The following FCHSD2 variants were observed in gnomAD, a reference collection of about 807,000 sequenced individuals.
The protein encoded by FCHSD2 is FCH and double SH3 domains 2.
A neutral mutation model predicts 108.1 loss-of-function variants in FCHSD2; 38 were observed. That is an observed-to-expected ratio of 0.35 (90% confidence interval 0.27 to 0.46). The LOEUF is 0.46. Among genes scored for constraint, FCHSD2 ranks in the 20% least tolerant of loss-of-function variants. FCHSD2 has a pLI of 1.00. For synonymous variants in FCHSD2, 279 were observed against 314.7 expected (o/e 0.89, Z 1.20); for missense variants, 751 against 897.8 (o/e 0.84, Z 2.09).
chr11:73,031,456 A>G (rs1034985569), intron 3 of FCHSD2, among the ~76,000 whole-genome samples: 1 of 151,986 alleles, frequency 6.6e-6, no homozygotes, highest in Non-Finnish European at 1.5e-5. Flanking sequence ...GGGTGACAGA[A>G]CAAGACCCTG....
chr11:72,878,813 T>C (rs1285557328), intron 12 of FCHSD2, among the ~76,000 whole-genome samples: 3 of 151,980 alleles, frequency 2.0e-5, no homozygotes, highest in Non-Finnish European at 4.4e-5. Context: ...TTGTACAGGG[T>C]TGAAAGACAT....
At chr11:73,088,662 T>C (rs774796336) in intron 2 of FCHSD2, among the ~76,000 whole-genome samples, 5 of 152,194 alleles carry the variant, frequency 3.3e-5, no homozygotes, top group Non-Finnish European at 7.3e-5. Flanking sequence ...TTTACACTCA[T>C]GTTGTTTTTC....
intron 8 of FCHSD2, among the ~76,000 whole-genome samples, chr11:72,971,416 G>A (rs563320999): frequency 2.0e-5 from 3 of 152,148 alleles, no homozygotes; most frequent in East Asian, 1.9e-4. Context: ...ATTATGCTAC[G>A]TTAAATGGCA....
At chr11:73,118,690 G>A (rs1860661279) in intron 2 of FCHSD2, among the ~76,000 whole-genome samples, 1 of 152,144 alleles carries the variant, frequency 6.6e-6, no homozygotes, top group South Asian at 2.1e-4. Flanking sequence ...CATTGCATGT[G>A]ATCAGAGAAT....
intron 5 of FCHSD2, among the ~76,000 whole-genome samples, chr11:72,994,592 C>T (rs4102512): frequency 5.7e-4 from 87 of 152,028 alleles, no homozygotes; most frequent in Non-Finnish European, 7.9e-4. Context: ...GGTGAAACCC[C>T]GTCTCTACTA....
At chr11:72,936,039 C>T (rs1856293257) in intron 8 of FCHSD2, among the ~76,000 whole-genome samples, 1 of 152,176 alleles carries the variant, frequency 6.6e-6, no homozygotes, top group Non-Finnish European at 1.5e-5. Flanking sequence ...AACAGAAAAC[C>T]TTGAACCCTA....
intron 3 of FCHSD2, among the ~76,000 whole-genome samples, chr11:73,053,554 T>C (rs1350987388): frequency 6.6e-6 from 1 of 152,196 alleles, no homozygotes; most frequent in East Asian, 1.9e-4. Flanking sequence ...AAACAAAATA[T>C]AGGAGTAGTA....
chr11:72,999,078 T>C (rs1410667900), intron 5 of FCHSD2, among the ~76,000 whole-genome samples: 1 of 152,188 alleles, frequency 6.6e-6, no homozygotes, highest in East Asian at 1.9e-4. Flanking sequence ...TTTGAACCCC[T>C]AGATCCACCC....
At chr11:73,031,128 G>A (rs1173175047) in intron 3 of FCHSD2, among the ~76,000 whole-genome samples, 4 of 151,932 alleles carry the variant, frequency 2.6e-5, no homozygotes, top group South Asian at 2.1e-4. Context: ...GAAAGAAGAC[G>A]ACTACTATTT....
At chr11:73,091,912 G>A (rs113820890) in intron 2 of FCHSD2, among the ~76,000 whole-genome samples, 1,807 of 152,130 alleles carry the variant, frequency 0.012, 12 homozygotes, top group South Asian at 0.02. Flanking sequence ...GCGTGCACCT[G>A]TAATCCCAGC....
intron 8 of FCHSD2, among the ~76,000 whole-genome samples, chr11:72,964,151 G>A (rs1856863256): frequency 6.6e-6 from 1 of 152,108 alleles, no homozygotes; most frequent in African/African-American, 2.4e-5. Flanking sequence ...TCTAAAGATT[G>A]AAATGATGTA....
chr11:73,131,219 A>G (rs142558696), intron 2 of FCHSD2, among the ~76,000 whole-genome samples: 1 of 151,840 alleles, frequency 6.6e-6, no homozygotes, highest in East Asian at 1.9e-4. Flanking sequence ...CCATCTCTAT[A>G]AAAACTACAA....
intron 3 of FCHSD2, among the ~76,000 whole-genome samples, chr11:73,051,892 C>T (rs1478787320): frequency 6.6e-6 from 1 of 150,988 alleles, no homozygotes; most frequent in Non-Finnish European, 1.5e-5. Context: ...CACACACACA[C>T]ACACACACAC....
intron 3 of FCHSD2, among the ~76,000 whole-genome samples, chr11:73,079,401 T>C (rs1197888086): frequency 6.6e-6 from 1 of 152,036 alleles, no homozygotes; most frequent in East Asian, 1.9e-4. Flanking sequence ...GGTTTCACCA[T>C]GTTGGTCAGG....
At chr11:72,898,718 TTTTC>T (rs1275956686) in intron 10 of FCHSD2, among the ~76,000 whole-genome samples, 103 of 132,270 alleles carry the variant, frequency 7.8e-4, no homozygotes, top group African/African-American at 2.4e-3. Context: ...AGCAAATTGC[TTTTC>T]TTTCTATTTT....
intron 12 of FCHSD2, among the ~76,000 whole-genome samples, chr11:72,877,311 G>C (rs1050920048): frequency 2.0e-5 from 3 of 152,052 alleles, no homozygotes; most frequent in Non-Finnish European, 4.4e-5. Context: ...CTGTTCCAAA[G>C]GACATCCACC....
chr11:73,133,155 G>T (rs1013453327), intron 2 of FCHSD2, among the ~76,000 whole-genome samples: 15 of 152,192 alleles, frequency 9.9e-5, no homozygotes, highest in African/African-American at 3.6e-4. Flanking sequence ...GACCCATCAT[G>T]TATTATTGCT....
chr11:73,091,872 T>G (rs934746995), intron 2 of FCHSD2, among the ~76,000 whole-genome samples: 4 of 151,994 alleles, frequency 2.6e-5, no homozygotes, highest in Admixed American at 2.6e-4. Flanking sequence ...AAACCCCATC[T>G]CTACTAAAAA....
At chr11:72,956,371 CTG>C (rs1856711120) in intron 8 of FCHSD2, among the ~76,000 whole-genome samples, 1 of 152,084 alleles carries the variant, frequency 6.6e-6, no homozygotes, top group South Asian at 2.1e-4. Flanking sequence ...TATGCTAAGG[CTG>C]GTGAGTGGAG....
Sources: allele counts gnomAD v4.1 joint callset (sites outside exome capture counted in the v4.1 genomes callset), GRCh38; gene constraint gnomAD v4.1.1; transcripts MANE v1.5; gene names NCBI Gene and HGNC (gene_info 2026-07-23, HGNC 2026-07-21).